Variants in NINJ2 observed in about 807,000 individuals in gnomAD.
NINJ2 encodes ninjurin 2, also known as ninjurin-2.
Under a neutral mutation model 11.7 loss-of-function variants are expected in NINJ2, and 12 were observed. The ratio of observed to expected loss-of-function variants is 1.02; its 90% CI spans 0.66 to 1.66. NINJ2 has a LOEUF of 1.66. Ranked by LOEUF, NINJ2 falls within the 40% of genes most tolerant of loss-of-function variation. NINJ2 has a pLI of 0.00. For missense variants in NINJ2, 187 were observed against 181.8 expected (o/e 1.03, Z -0.16); for synonymous variants, 93 against 76.8 (o/e 1.21, Z -1.10).
chr12:616,456 G>A (rs772105989), intron 1 of NINJ2, among the ~76,000 whole-genome samples: 6 of 152,336 alleles, frequency 3.9e-5, no homozygotes, highest in Non-Finnish European at 8.8e-5. Context: ...AGACTGGGTC[G>A]TTGGGTGGTG....
chr12:617,297 C>T, intron 1 of NINJ2, among the ~76,000 whole-genome samples: 1 of 152,182 alleles, frequency 6.6e-6, no homozygotes, highest in Non-Finnish European at 1.5e-5. Flanking sequence ...GCTAAGAGGA[C>T]AACAGAGGAA....
chr12:588,176 C>CGGAAGGGAG (rs1947668197), intron 1 of NINJ2, among the ~76,000 whole-genome samples: 7 of 142,404 alleles, frequency 4.9e-5, no homozygotes, highest in African/African-American at 1.8e-4. Context: ...ACGGAAGGGA[C>CGGAAGGGAG]GGAAGGGACG....
chr12:589,338 A>T (rs1211524022), intron 1 of NINJ2, among the ~76,000 whole-genome samples: 1 of 152,278 alleles, frequency 6.6e-6, no homozygotes, highest in Non-Finnish European at 1.5e-5. Context: ...GTGGGGAGCA[A>T]GTCAGTAAGA....
intron 1 of NINJ2, chr12:645,134 A>C (rs2120507941): frequency 6.6e-6 from 1 of 152,228 alleles, no homozygotes; most frequent in East Asian, 1.9e-4. Context: ...TCAGCATTCT[A>C]AATTTACTTA....
intron 1 of NINJ2, among the ~76,000 whole-genome samples, chr12:634,653 CAG>C (rs1294172948): frequency 3.3e-5 from 5 of 152,222 alleles, no homozygotes; most frequent in Admixed American, 6.5e-5. Flanking sequence ...TTTAGTAGCA[CAG>C]AGAGAAAATG....
At chr12:601,095 T>C (rs931419893) in intron 1 of NINJ2, among the ~76,000 whole-genome samples, 2 of 152,224 alleles carry the variant, frequency 1.3e-5, no homozygotes, top group African/African-American at 4.8e-5. Flanking sequence ...CTCTCCTGCA[T>C]TTGCAGAACT....
intron 1 of NINJ2, among the ~76,000 whole-genome samples, chr12:578,340 G>C (rs957861668): frequency 6.6e-6 from 1 of 152,122 alleles, no homozygotes; most frequent in African/African-American, 2.4e-5. Context: ...GGTGTTGTCT[G>C]CGGCTTGCCC....
rs1303102447 is a variant in NINJ2 at position 580,997 on chromosome 12, T to C, written c.34-14819A>G. On this transcript the variant is annotated intron_variant, in intron 1 of 3. Coordinates refer to ENST00000305108, the MANE Select transcript of NINJ2 (RefSeq NM_016533.6). This position sits in a 1 kb window ranked among gnomAD's most constrained non-coding sequence, Gnocchi z 4.7. ...GTGTGTGTCCATGTCTCTGTGCATA[T>C]GTCTGTGTGAATGTGTGTGTTCATG... Among the ~76,000 whole-genome samples, 1 of 151,784 alleles carries C rather than the reference T, an allele frequency of 6.6e-6. No homozygotes were observed. The highest frequency in any genetic ancestry group is 1.5e-5 in the Non-Finnish European group (1 of 67,896).
intron 1 of NINJ2, among the ~76,000 whole-genome samples, chr12:570,725 G>A (rs1309383710): frequency 6.6e-6 from 1 of 152,096 alleles, no homozygotes; most frequent in African/African-American, 2.4e-5. Flanking sequence ...GCTGGTCCGG[G>A]TGGGCTGGCG....
At chr12:576,901 T>C (rs1332574317) in intron 1 of NINJ2, among the ~76,000 whole-genome samples, 1 of 152,214 alleles carries the variant, frequency 6.6e-6, no homozygotes, top group Non-Finnish European at 1.5e-5. Context: ...CTTTGCTCTA[T>C]GCCCACTTGA....
At chr12:592,603 G>A (rs1253162107) in intron 1 of NINJ2, among the ~76,000 whole-genome samples, 1 of 152,214 alleles carries the variant, frequency 6.6e-6, no homozygotes, top group Non-Finnish European at 1.5e-5. Flanking sequence ...GGGAGGCTGA[G>A]GCAGGAGAAT....
rs1444605121 is a variant in NINJ2 at position 628,219 on chromosome 12, T to C, written c.33+35109A>G. 6.6e-6 allele frequency among the ~76,000 whole-genome samples: 1 copy of C among 151,328 alleles called. No individual in the cohort carries two copies. The stretch of plus-strand genomic sequence containing the variant: ...GGGCCATGAGCCTCTGGCAGGCCTC[T>C]GTGTCACACCTTTCCACCAGGGAAA... On this transcript the variant is annotated intron_variant, in intron 1 of 3. Coordinates refer to ENST00000305108, the MANE Select transcript of NINJ2 (RefSeq NM_016533.6). This position sits in a 1 kb window ranked among gnomAD's most constrained non-coding sequence, Gnocchi z 4.4.
At chr12:566,255 G>T in intron 1 of NINJ2, 77 bp from the exon 2 acceptor site, 1 of 1,233,618 alleles carries the variant, frequency 8.1e-7, no homozygotes, top group South Asian at 1.4e-5. Flanking sequence ...AGAGGAGAGA[G>T]GTTTTAAAGC....
chr12:623,925 G>A (rs774850095), intron 1 of NINJ2, among the ~76,000 whole-genome samples: 1 of 152,094 alleles, frequency 6.6e-6, no homozygotes, highest in Non-Finnish European at 1.5e-5. Context: ...AGTCCCAGCT[G>A]CTCAGAAGGC....
Position 633,518 on chromosome 12 carries a change from A to C in NINJ2, c.33+29810T>G, listed in dbSNP as rs1948308075. On this transcript the variant is annotated intron_variant, in intron 1 of 3. Coordinates refer to ENST00000305108, the MANE Select transcript of NINJ2 (RefSeq NM_016533.6). The surrounding 1 kb of genome is among the most constrained non-coding windows in gnomAD (Gnocchi z 4.3). ...GTCTCCAAAAAAAAAAAATCATGTC[A>C]TTTAAAAACTTCTGAGGCTGGGCCC... is the stretch of plus-strand genomic sequence containing the variant. Among the ~76,000 whole-genome samples, 1 of 151,974 alleles carries C rather than the reference A, an allele frequency of 6.6e-6. No individual in the cohort carries two copies. The highest frequency in any genetic ancestry group is 6.5e-5 in the Admixed American group (1 of 15,272).
chr12:653,904 A>G (rs1004387701), intron 1 of NINJ2, among the ~76,000 whole-genome samples: 9 of 152,180 alleles, frequency 5.9e-5, no homozygotes, highest in African/African-American at 2.2e-4. Flanking sequence ...AACCATAAAG[A>G]TACATATAGA....
At chr12:586,247 C>A (rs969875699) in intron 1 of NINJ2, 1 of 152,224 alleles carries the variant, frequency 6.6e-6, no homozygotes, top group African/African-American at 2.4e-5. Flanking sequence ...GCCCAGCCTA[C>A]CTGGAAGAGC....
intron 1 of NINJ2, among the ~76,000 whole-genome samples, chr12:626,130 T>C (rs1948207848): frequency 6.6e-6 from 1 of 152,230 alleles, no homozygotes; most frequent in Admixed American, 6.5e-5. Flanking sequence ...AGTTTGTCCT[T>C]GAGACAGGAC....
At chr12:588,099 A>G (rs1273390883) in intron 1 of NINJ2, among the ~76,000 whole-genome samples, 1 of 152,190 alleles carries the variant, frequency 6.6e-6, no homozygotes, top group Non-Finnish European at 1.5e-5. Flanking sequence ...CCCTTGAAAA[A>G]AATTCCCACT....
Sources: gnomAD v4.1 joint callset for allele counts (sites outside exome capture counted in the v4.1 genomes callset) on GRCh38, gnomAD v4.1.1 for gene constraint, Gnocchi (gnomAD v3.1) non-coding constraint, MANE v1.5 for transcripts, NCBI Gene and HGNC (gene_info 2026-07-23, HGNC 2026-07-21) for gene names.